CD8B: variants seen among roughly 807,000 people sequenced by gnomAD.
The protein encoded by CD8B is CD8 subunit beta.
A neutral mutation model predicts 24.2 loss-of-function variants in CD8B; 6 were observed. The ratio of observed to expected loss-of-function variants is 0.25; its 90% CI spans 0.14 to 0.49. The LOEUF (loss-of-function observed/expected upper bound fraction) is 0.49. Ranked by LOEUF, CD8B falls within the 20% of genes least tolerant of loss-of-function variation. CD8B has a pLI of 0.98. For synonymous variants in CD8B, 84 were observed against 108.3 expected (o/e 0.78, Z 1.39); for missense variants, 196 against 271.3 (o/e 0.72, Z 1.95).
At position 86,855,846 on chromosome 2, in the gene CD8B, A is replaced by G. The variant is rs575624557; in HGVS notation, c.403+2211T>C. Among the ~76,000 whole-genome samples the G allele has an allele frequency of 1.4e-4, 21 of 152,342 alleles. No homozygotes were observed. The East Asian group carries it at 1.9e-3, about 14-fold the overall frequency. The stretch of plus-strand genomic sequence containing the variant: ...TGGGCCCTCAGTGCCTTGGCTGGGC[A>G]CCGCCGCCTGGGTCTAGTGGGAGAC... On this transcript the variant is annotated intron_variant, in intron 2 of 5. Transcript: ENST00000390655.
chr2:86,848,426 G>A (rs1439038912), intron 3 of CD8B, among the ~76,000 whole-genome samples: 1 of 152,044 alleles, frequency 6.6e-6, no homozygotes, highest in Non-Finnish European at 1.5e-5. Flanking sequence ...TCCATTTTGT[G>A]TGCTATTTAA....
chr2:86,825,850 C>T (rs1454826137), intron 5 of CD8B, among the ~76,000 whole-genome samples: 1 of 152,194 alleles, frequency 6.6e-6, no homozygotes, highest in African/African-American at 2.4e-5. Flanking sequence ...CTTTATTGTC[C>T]TACCTGACTG....
At chr2:86,829,888 C>T (rs1386137973) in intron 5 of CD8B, among the ~76,000 whole-genome samples, 2 of 152,068 alleles carry the variant, frequency 1.3e-5, no homozygotes, top group East Asian at 1.9e-4. Context: ...CCTCTTCTGC[C>T]GAGAGCTGGG....
chr2:86,851,533 A>T (rs187551223), intron 3 of CD8B, among the ~76,000 whole-genome samples: 4 of 152,128 alleles, frequency 2.6e-5, no homozygotes, highest in African/African-American at 9.7e-5. Context: ...TCTTCTGTAC[A>T]TTGGTTCTGA....
exon 6 of CD8B, chr2:86,815,675 G>A: frequency 6.2e-7 from 1 of 1,613,364 alleles, no homozygotes; most frequent in Non-Finnish European, 8.5e-7. Flanking sequence ...TATCCATGCA[G>A]GCATTGGGGG....
intron 3 of CD8B, among the ~76,000 whole-genome samples, chr2:86,847,067 G>C (rs1675726253): frequency 6.6e-6 from 1 of 151,212 alleles, no homozygotes; most frequent in Admixed American, 6.6e-5. Context: ...CTCCCGAGTA[G>C]CTGGGACTAC....
chr2:86,818,797 G>T (rs1674356009), intron 5 of CD8B, among the ~76,000 whole-genome samples: 1 of 152,230 alleles, frequency 6.6e-6, no homozygotes, highest in Non-Finnish European at 1.5e-5. Flanking sequence ...TCAAAAGCTA[G>T]AAATGATTAA....
chr2:86,823,009 G>A (rs1429506088), intron 5 of CD8B, among the ~76,000 whole-genome samples: 1 of 152,068 alleles, frequency 6.6e-6, no homozygotes, highest in Non-Finnish European at 1.5e-5. Flanking sequence ...TCATTTCTAA[G>A]TATACACTCC....
chr2:86,838,095 T>C (rs1254463358), downstream of CD8B, among the ~76,000 whole-genome samples: 1 of 152,248 alleles, frequency 6.6e-6, no homozygotes, highest in East Asian at 1.9e-4. Flanking sequence ...TTTTTTAATT[T>C]ATGAATAAAT....
At chr2:86,845,068 C>T (rs1020048680) in intron 4 of CD8B, 110 bp from the exon 5 acceptor site, 1 of 1,458,636 alleles carries the variant, frequency 6.9e-7, no homozygotes, top group Non-Finnish European at 9.2e-7. Context: ...CAGCCCACCT[C>T]CCTGGTCCCA....
At chr2:86,842,865 G>A (rs1382497051) in intron 5 of CD8B, among the ~76,000 whole-genome samples, 1 of 152,116 alleles carries the variant, frequency 6.6e-6, no homozygotes, top group Non-Finnish European at 1.5e-5. Context: ...TGAAGAGAGT[G>A]AGGAGGTCTC....
At chr2:86,835,072 C>T (rs62146874), downstream of CD8B, among the ~76,000 whole-genome samples, 34,689 of 151,474 alleles carry the variant, frequency 0.23, 2,483 homozygotes, top group Non-Finnish European at 0.27. Flanking sequence ...ACTCCCTCTC[C>T]CACTGATAAG....
At chr2:86,834,467 T>C, downstream of CD8B, among the ~76,000 whole-genome samples, 1 of 146,682 alleles carries the variant, frequency 6.8e-6, no homozygotes. Context: ...TTTCTTCTCT[T>C]ACACACACAC....
chr2:86,846,550 G>A (rs1675685444), intron 4 of CD8B, 134 bp downstream of exon 4: 1 of 596,454 alleles, frequency 1.7e-6, no homozygotes, highest in Non-Finnish European at 3.0e-6. Flanking sequence ...ACTACCTCTG[G>A]AAATACCGTA....
chr2:86,848,393 C>T (rs535943521), intron 3 of CD8B, among the ~76,000 whole-genome samples: 82 of 152,282 alleles, frequency 5.4e-4, no homozygotes, highest in African/African-American at 1.9e-3. Context: ...TTTTCTTCTA[C>T]GAGTTGACTA....
At chr2:86,847,724 C>A (rs890503097) in intron 3 of CD8B, among the ~76,000 whole-genome samples, 3 of 152,184 alleles carry the variant, frequency 2.0e-5, no homozygotes, top group African/African-American at 4.8e-5. Flanking sequence ...CGCCGTCATG[C>A]CTGGCTAATT....
At chr2:86,833,055 C>A in intron 5 of CD8B, 1 of 406,810 alleles carries the variant, frequency 2.5e-6, no homozygotes, top group South Asian at 1.8e-5. Context: ...AGCCTCCTCA[C>A]AGGGTCATAG....
chr2:86,815,739 A>G (rs774520863), intron 5 of CD8B: 3 of 1,316,346 alleles, frequency 2.3e-6, no homozygotes. Context: ...GAAAAACAAG[A>G]GAGTCTCAAT....
At chr2:86,836,341 G>A (rs1675177032), downstream of CD8B, among the ~76,000 whole-genome samples, 1 of 152,176 alleles carries the variant, frequency 6.6e-6, no homozygotes, top group East Asian at 1.9e-4. Context: ...GGCTACTAGG[G>A]AGGGAACTGA....
Sources: gnomAD v4.1 joint callset for allele counts (sites outside exome capture counted in the v4.1 genomes callset) on GRCh38, gnomAD v4.1.1 for gene constraint, MANE v1.5 for transcripts, NCBI Gene and HGNC (gene_info 2026-07-23, HGNC 2026-07-21) for gene names.